The following FGD4 variants were observed in gnomAD, a reference collection of about 807,000 sequenced individuals.
FGD4 encodes the protein FYVE, RhoGEF and PH domain containing 4.
FGD4 carries 42 observed loss-of-function variants against 102.0 expected under a neutral mutation model. The observed-to-expected ratio is 0.41, with a 90% CI of 0.32 to 0.53. The LOEUF is 0.53. Among genes scored for constraint, FGD4 ranks in the 20% least tolerant of loss-of-function variants. FGD4 has a pLI of 0.21. For synonymous variants in FGD4, 380 were observed against 375.7 expected (o/e 1.01, Z -0.13); for missense variants, 902 against 1,078.2 (o/e 0.84, Z 2.29).
intron 1 of FGD4, among the ~76,000 whole-genome samples, chr12:32,444,050 G>A (rs112958347): frequency 6.9e-6 from 1 of 145,956 alleles, no homozygotes; most frequent in Admixed American, 6.8e-5. Flanking sequence ...TTTGAGACAG[G>A]GTCTCACTCT....
intron 5 of FGD4, among the ~76,000 whole-genome samples, chr12:32,600,987 T>G (rs1038895537): frequency 3.9e-5 from 6 of 152,216 alleles, no homozygotes; most frequent in Admixed American, 2.0e-4. Flanking sequence ...AAGGGTGAAT[T>G]CTATTAACCT....
chr12:32,485,561 C>T (rs1023109464), intron 1 of FGD4, among the ~76,000 whole-genome samples: 29 of 151,476 alleles, frequency 1.9e-4, no homozygotes, highest in Non-Finnish European at 4.1e-4. Flanking sequence ...TTGCCTCAGC[C>T]TCCCGAGCAG....
chr12:32,610,920 G>A, intron 9 of FGD4, 86 bp downstream of exon 9: 3 of 1,448,090 alleles, frequency 2.1e-6, no homozygotes, highest in Non-Finnish European at 2.9e-6. Context: ...TTGGACCAAA[G>A]TGAATTGAAA....
chr12:32,415,886 G>A (rs1467294797), intron 1 of FGD4, among the ~76,000 whole-genome samples: 1 of 151,414 alleles, frequency 6.6e-6, no homozygotes, highest in African/African-American at 2.4e-5. Flanking sequence ...CTCTTTTTTT[G>A]TTTTCATTGG....
At chr12:32,511,681 T>G (rs1290356642) in intron 1 of FGD4, 1 of 152,160 alleles carries the variant, frequency 6.6e-6, no homozygotes. Flanking sequence ...GCTATAAAAA[T>G]CAACCTACTT....
intron 1 of FGD4, among the ~76,000 whole-genome samples, chr12:32,466,721 A>G (rs1368826474): frequency 6.6e-6 from 1 of 151,988 alleles, no homozygotes; most frequent in African/African-American, 2.4e-5. Context: ...TACAAAAATC[A>G]GCCAGGCGTG....
At chr12:32,421,933 G>A (rs1941640512) in intron 1 of FGD4, among the ~76,000 whole-genome samples, 1 of 151,976 alleles carries the variant, frequency 6.6e-6, no homozygotes, top group African/African-American at 2.4e-5. Context: ...GAGGTCAGGA[G>A]ATCGAGACCA....
chr12:32,616,540 C>G (rs911067342), intron 10 of FGD4, among the ~76,000 whole-genome samples: 9 of 152,182 alleles, frequency 5.9e-5, no homozygotes, highest in African/African-American at 2.2e-4. Context: ...CAGAATCTTG[C>G]CTTGCCAGTG....
intron 15 of FGD4, among the ~76,000 whole-genome samples, chr12:32,637,378 C>T (rs10771972): frequency 0.27 from 40,200 of 151,170 alleles, 5,654 homozygotes; most frequent in South Asian, 0.42. Context: ...AGGCAGATCA[C>T]GAGGTCAGGA....
intron 1 of FGD4, among the ~76,000 whole-genome samples, chr12:32,437,431 C>T (rs931257787): frequency 2.2e-4 from 33 of 152,304 alleles, no homozygotes; most frequent in African/African-American, 7.2e-4. Context: ...GCTCCCTATA[C>T]GATGAGCGAG....
Position 32,453,200 on chromosome 12 carries a change from T to TTATATA in FGD4, c.166+53256_166+53261dup, listed in dbSNP as rs1209887127. Among the ~76,000 whole-genome samples the TTATATA allele has an allele frequency of 2.0e-4, 13 of 64,588 alleles. 1 individual carries two copies. The highest frequency in any genetic ancestry group is 6.0e-4 in the African/African-American group (12 of 19,948). The allele number at this position is 64,588 out of a possible 152,430, so 42.4% of individuals were successfully genotyped here. ...ATTATATATATATTTTATATATATA[T>TTATATA]TATATATATATATATATATAATATA... On this transcript the variant is annotated intron_variant, in intron 1 of 16. Coordinates refer to ENST00000534526, the MANE Select transcript of FGD4 (RefSeq NM_001370298.3).
intron 1 of FGD4, among the ~76,000 whole-genome samples, chr12:32,425,797 G>A (rs1478716933): frequency 2.0e-5 from 3 of 152,136 alleles, no homozygotes; most frequent in Admixed American, 2.0e-4. Context: ...CACATTTCTT[G>A]TAAGATGTAT....
At chr12:32,417,504 C>G (rs1360361534) in intron 1 of FGD4, among the ~76,000 whole-genome samples, 1 of 151,810 alleles carries the variant, frequency 6.6e-6, no homozygotes, top group Non-Finnish European at 1.5e-5. Context: ...GTCACCCAGG[C>G]TGGAGTACAA....
At chr12:32,565,796 C>A (rs181842699) in intron 2 of FGD4, among the ~76,000 whole-genome samples, 309 of 152,206 alleles carry the variant, frequency 2.0e-3, no homozygotes, top group Non-Finnish European at 3.1e-3. Context: ...ATATTTACTT[C>A]CTATGTTAAA....
At chr12:32,561,966 G>A (rs1336396880) in intron 1 of FGD4, among the ~76,000 whole-genome samples, 1 of 152,198 alleles carries the variant, frequency 6.6e-6, no homozygotes, top group Non-Finnish European at 1.5e-5. Flanking sequence ...GGATGTTGAT[G>A]TGGAGTCTGA....
chr12:32,490,312 C>T (rs941093468), intron 1 of FGD4, among the ~76,000 whole-genome samples: 3 of 151,448 alleles, frequency 2.0e-5, no homozygotes, highest in Non-Finnish European at 4.4e-5. Flanking sequence ...TTGTCTCAAG[C>T]ATGGACTGTG....
At chr12:32,632,701 A>ATTTTTTT (rs1241301638) in intron 14 of FGD4, among the ~76,000 whole-genome samples, 2 of 121,852 alleles carry the variant, frequency 1.6e-5, no homozygotes, top group African/African-American at 7.1e-5. Flanking sequence ...TTATTTATTT[A>ATTTTTTT]TTTATTTATT....
intron 2 of FGD4, among the ~76,000 whole-genome samples, chr12:32,568,681 ACTTAAAC>A (rs1427420605): frequency 2.6e-5 from 4 of 152,246 alleles, no homozygotes; most frequent in Non-Finnish European, 4.4e-5. Flanking sequence ...AATATAGAGT[ACTTAAAC>A]CTATTCATTT....
chr12:32,520,316 T>C (rs1940369857), intron 1 of FGD4, among the ~76,000 whole-genome samples: 1 of 152,180 alleles, frequency 6.6e-6, no homozygotes, highest in African/African-American at 2.4e-5. Flanking sequence ...TTTTTGAGTT[T>C]TAGCATTTAC....
Sources: gnomAD v4.1 joint callset for allele counts (sites outside exome capture counted in the v4.1 genomes callset) on GRCh38, gnomAD v4.1.1 for gene constraint, MANE v1.5 for transcripts, NCBI Gene and HGNC (gene_info 2026-07-23, HGNC 2026-07-21) for gene names.